AGBL4: variants seen among roughly 807,000 people sequenced by gnomAD.
AGBL4 encodes the protein AGBL carboxypeptidase 4, also known as cytosolic carboxypeptidase 6.
Under a neutral mutation model 66.4 loss-of-function variants are expected in AGBL4, and 58 were observed. The observed-to-expected ratio is 0.87, with a 90% CI of 0.71 to 1.09. The LOEUF (loss-of-function observed/expected upper bound fraction) is 1.09. AGBL4 is among the 50% of genes least tolerant of loss of function. AGBL4 has a pLI of 0.00. For missense variants in AGBL4, 579 were observed against 631.0 expected (o/e 0.92, Z 0.88); for synonymous variants, 234 against 222.9 (o/e 1.05, Z -0.44).
At chr1:49,192,477 T>C (rs1647139875) in intron 4 of AGBL4, among the ~76,000 whole-genome samples, 1 of 152,106 alleles carries the variant, frequency 6.6e-6, no homozygotes, top group African/African-American at 2.4e-5. Context: ...TTTTGTATTT[T>C]TAGTAGAGAC....
rs1023986352 is a variant in AGBL4, at chr1:48,911,466, A to C, written c.595-44236T>G. ...CCCCGTCTCTACTAAAAAAAATACAAAAAATTAGCCAGGCGTGGTGGTGGG... is the reference window on the plus strand; with the variant it reads ...CCCCGTCTCTACTAAAAAAAATACACAAAATTAGCCAGGCGTGGTGGTGGG... On this transcript the variant is annotated intron_variant, in intron 5 of 13. Coordinates refer to ENST00000371839, the MANE Select transcript of AGBL4 (RefSeq NM_032785.4). Among the ~76,000 whole-genome samples, 46 of 152,026 alleles carry C rather than the reference A, an allele frequency of 3.0e-4. 1 individual carries two copies. Among genetic ancestry groups the C allele is most frequent in the African/African-American group, 1.1e-3 (44 of 41,464 alleles).
chr1:49,516,184 A>G (rs922454659), intron 3 of AGBL4, among the ~76,000 whole-genome samples: 1 of 151,976 alleles, frequency 6.6e-6, no homozygotes, highest in East Asian at 1.9e-4. Flanking sequence ...TGGATATGAC[A>G]GTGTCCTTAT....
At position 49,815,273 on chromosome 1, in the gene AGBL4, G is replaced by A. The variant is rs576070647; in HGVS notation, c.157+36123C>T. ...CCACAAATAACCGAGTACATGAGACGTTTGTCTTTCTGTGTCTGGTTTATT... is the reference window on the plus strand; with the variant it reads ...CCACAAATAACCGAGTACATGAGACATTTGTCTTTCTGTGTCTGGTTTATT... On this transcript the variant is annotated intron_variant, in intron 2 of 13. Transcript: ENST00000371839. Among the ~76,000 whole-genome samples, 24 of 152,186 alleles carry A rather than the reference G, an allele frequency of 1.6e-4. 1 individual carries two copies. Among genetic ancestry groups the A allele is most frequent in the East Asian group, 1.2e-3 (6 of 5,174 alleles).
intron 3 of AGBL4, among the ~76,000 whole-genome samples, chr1:49,416,038 C>G (rs1404062436): frequency 1.3e-5 from 2 of 151,972 alleles, no homozygotes; most frequent in Non-Finnish European, 2.9e-5. Flanking sequence ...TGGATTTATC[C>G]AGGGGTCAAT....
intron 3 of AGBL4, among the ~76,000 whole-genome samples, chr1:49,506,616 A>G (rs1648712534): frequency 6.6e-6 from 1 of 152,076 alleles, no homozygotes; most frequent in South Asian, 2.1e-4. Context: ...TGAGGCATCC[A>G]CAGCCATGTG....
intron 3 of AGBL4, among the ~76,000 whole-genome samples, chr1:49,544,609 C>T (rs1652332024): frequency 1.3e-5 from 2 of 152,198 alleles, no homozygotes; most frequent in African/African-American, 4.8e-5. Flanking sequence ...ATCACTTCTG[C>T]TACCATTTTA....
At chr1:49,849,418 T>TTA (rs1216759240) in intron 2 of AGBL4, among the ~76,000 whole-genome samples, 1 of 130,490 alleles carries the variant, frequency 7.7e-6, no homozygotes, top group Non-Finnish European at 1.8e-5. Flanking sequence ...ATTATTATTA[T>TTA]TATTATTATT....
At chr1:49,239,018 G>A (rs1468110475) in intron 4 of AGBL4, among the ~76,000 whole-genome samples, 1 of 152,154 alleles carries the variant, frequency 6.6e-6, no homozygotes, top group Non-Finnish European at 1.5e-5. Flanking sequence ...TCTAGAAATA[G>A]AGGGAAGTAT....
chr1:49,872,685 AAG>A (rs1432600859), intron 1 of AGBL4, among the ~76,000 whole-genome samples: 1 of 152,094 alleles, frequency 6.6e-6, no homozygotes, highest in Non-Finnish European at 1.5e-5. Flanking sequence ...ATTTTAACAA[AAG>A]AGAGAGAATC....
intron 2 of AGBL4, among the ~76,000 whole-genome samples, chr1:49,814,926 G>T (rs1389494518): frequency 2.6e-5 from 4 of 152,096 alleles, no homozygotes; most frequent in African/African-American, 9.7e-5. Context: ...GGGTATATCA[G>T]ATGTTTTGAT....
At chr1:49,123,163 C>T (rs190167063) in intron 4 of AGBL4, among the ~76,000 whole-genome samples, 1 of 152,210 alleles carries the variant, frequency 6.6e-6, no homozygotes, top group East Asian at 1.9e-4. Flanking sequence ...CTGTTAGCTA[C>T]TATATTGTTA....
At chr1:48,629,792 T>C (rs1449939492) in intron 9 of AGBL4, among the ~76,000 whole-genome samples, 1 of 152,122 alleles carries the variant, frequency 6.6e-6, no homozygotes, top group African/African-American at 2.4e-5. Context: ...GAAATCTCTG[T>C]CACCAGATCA....
intron 3 of AGBL4, among the ~76,000 whole-genome samples, chr1:49,335,298 T>C (rs1645411472): frequency 6.6e-6 from 1 of 152,164 alleles, no homozygotes; most frequent in Admixed American, 6.5e-5. Flanking sequence ...ATTCAAAACC[T>C]GTTCACTTCT....
intron 3 of AGBL4, among the ~76,000 whole-genome samples, chr1:49,278,466 T>C (rs1489112394): frequency 6.6e-6 from 1 of 152,200 alleles, no homozygotes; most frequent in Non-Finnish European, 1.5e-5. Flanking sequence ...ACTGATCTAC[T>C]TTACAGCTGT....
intron 5 of AGBL4, among the ~76,000 whole-genome samples, chr1:49,006,415 G>C (rs1661819645): frequency 6.6e-6 from 1 of 152,158 alleles, no homozygotes. Context: ...ACAGCAGTCT[G>C]AGATCAAACT....
intron 1 of AGBL4, among the ~76,000 whole-genome samples, chr1:49,968,192 C>T (rs1486195404): frequency 1.4e-5 from 2 of 147,722 alleles, no homozygotes; most frequent in African/African-American, 2.5e-5. Flanking sequence ...CATTGCATTC[C>T]GGCCTGGGCA....
rs181445910 is a variant in AGBL4, at chr1:48,879,339, C to T, written c.595-12109G>A. Among the ~76,000 whole-genome samples, 77 of 152,024 alleles carry T rather than the reference C, an allele frequency of 5.1e-4. 1 individual carries two copies. Among genetic ancestry groups the T allele is most frequent in the Non-Finnish European group, 8.8e-5 (6 of 67,970 alleles). ...TACTCGCTTGTGTTTAGAAGTAGCA[C>T]GCAATGAAAAAGATGTCTCTTTCTT... On this transcript the variant is annotated intron_variant, in intron 5 of 13. Coordinates refer to ENST00000371839, the MANE Select transcript of AGBL4 (RefSeq NM_032785.4).
chr1:48,555,761 G>T (rs765587770), intron 11 of AGBL4, among the ~76,000 whole-genome samples: 3 of 152,178 alleles, frequency 2.0e-5, no homozygotes, highest in Non-Finnish European at 4.4e-5. Context: ...GGAGAATGGT[G>T]AGTTAGGGCC....
intron 3 of AGBL4, among the ~76,000 whole-genome samples, chr1:49,431,696 A>G (rs1201888161): frequency 1.3e-5 from 2 of 152,196 alleles, no homozygotes; most frequent in African/African-American, 4.8e-5. Context: ...TTATTTCAAC[A>G]TAAACATTCC....
Sources: allele counts gnomAD v4.1 joint callset (sites outside exome capture counted in the v4.1 genomes callset), GRCh38; gene constraint gnomAD v4.1.1; transcripts MANE v1.5; gene names NCBI Gene and HGNC (gene_info 2026-07-23, HGNC 2026-07-21).